The following ONECUT1 variants were observed in gnomAD, a reference collection of about 807,000 sequenced individuals.
The protein encoded by ONECUT1 is one cut homeobox 1, also known as hepatocyte nuclear factor 6.
Under a neutral mutation model 25.6 loss-of-function variants are expected in ONECUT1, and 12 were observed. The observed-to-expected ratio is 0.47, with a 90% CI of 0.30 to 0.76. ONECUT1 has a LOEUF of 0.76. Among genes scored for constraint, ONECUT1 ranks in the 30% least tolerant of loss-of-function variants. The probability of loss-of-function intolerance (pLI) is 0.07; values close to 1 mark genes in which losing one functional copy is unlikely to be tolerated. For synonymous variants in ONECUT1, 285 were observed against 270.2 expected (o/e 1.05, Z -0.54); for missense variants, 620 against 651.2 (o/e 0.95, Z 0.52).
chr15:52,766,902 G>A (rs993940807), intron 1 of ONECUT1, among the ~76,000 whole-genome samples: 2 of 152,148 alleles, frequency 1.3e-5, no homozygotes, highest in African/African-American at 2.4e-5. Context: ...AATAAAACAT[G>A]GTGATGGACC....
chr15:52,780,507 G>T, intron 1 of ONECUT1: 2 of 1,334,114 alleles, frequency 1.5e-6, no homozygotes, highest in Non-Finnish European at 2.1e-6. Flanking sequence ...TCTTTGTCTA[G>T]CATAAGTAAT....
At chr15:52,783,485 G>C (rs568459763) in intron 1 of ONECUT1, among the ~76,000 whole-genome samples, 1 of 152,206 alleles carries the variant, frequency 6.6e-6, no homozygotes, top group Non-Finnish European at 1.5e-5. Context: ...GGGACCAGGC[G>C]TCAGGGCGGT....
chr15:52,764,373 C>G (rs983874254), intron 1 of ONECUT1, among the ~76,000 whole-genome samples: 1 of 152,166 alleles, frequency 6.6e-6, no homozygotes, highest in Non-Finnish European at 1.5e-5. Context: ...CAAACCAGAG[C>G]AAATATATTG....
chr15:52,768,066 G>C (rs2083745436), intron 1 of ONECUT1, among the ~76,000 whole-genome samples: 1 of 152,120 alleles, frequency 6.6e-6, no homozygotes, highest in African/African-American at 2.4e-5. Context: ...GATAAAGAGG[G>C]GATGCTTAAT....
At chr15:52,774,389 C>T (rs1236603477) in intron 1 of ONECUT1, among the ~76,000 whole-genome samples, 1 of 152,154 alleles carries the variant, frequency 6.6e-6, no homozygotes, top group Non-Finnish European at 1.5e-5. Context: ...CAACCTCCGC[C>T]TCCAGGGTTC....
At chr15:52,785,890 T>A (rs1175682298) in intron 1 of ONECUT1, 1 of 152,232 alleles carries the variant, frequency 6.6e-6, no homozygotes, top group Non-Finnish European at 1.5e-5. Flanking sequence ...CAGCGCCACG[T>A]GCAAGAGGGT....
At chr15:52,775,037 A>T (rs1240189831) in intron 1 of ONECUT1, among the ~76,000 whole-genome samples, 2 of 152,082 alleles carry the variant, frequency 1.3e-5, no homozygotes, top group Non-Finnish European at 2.9e-5. Context: ...TGAAAATACA[A>T]ATTGTAGCCT....
At chr15:52,777,511 C>A (rs963996965) in intron 1 of ONECUT1, among the ~76,000 whole-genome samples, 21 of 152,240 alleles carry the variant, frequency 1.4e-4, no homozygotes, top group Non-Finnish European at 4.4e-5. Flanking sequence ...AAGAAACAAG[C>A]TTTTAGCTTC....
At chr15:52,776,209 A>G (rs531219307) in intron 1 of ONECUT1, among the ~76,000 whole-genome samples, 4 of 152,360 alleles carry the variant, frequency 2.6e-5, no homozygotes, top group African/African-American at 7.2e-5. Context: ...AAATCTGTAC[A>G]GAAGCCAGAG....
intron 1 of ONECUT1, among the ~76,000 whole-genome samples, chr15:52,765,253 A>G (rs1355997117): frequency 2.0e-5 from 3 of 152,134 alleles, no homozygotes; most frequent in Non-Finnish European, 4.4e-5. Flanking sequence ...TCTAAAATTG[A>G]CTGTGGTTGC....
intron 1 of ONECUT1, among the ~76,000 whole-genome samples, chr15:52,783,737 C>T (rs1190847269): frequency 6.6e-6 from 1 of 152,258 alleles, no homozygotes; most frequent in African/African-American, 2.4e-5. Flanking sequence ...GTCACCTTCT[C>T]TACGCTGACC....
intron 1 of ONECUT1, among the ~76,000 whole-genome samples, chr15:52,781,864 A>G (rs977733504): frequency 8.5e-5 from 13 of 152,222 alleles, no homozygotes; most frequent in African/African-American, 2.7e-4. Flanking sequence ...TGAGTCTTCA[A>G]TGAGAACATC....
Position 52,757,485 on chromosome 15 carries a change from G to T in ONECUT1, c.*70C>A. 1 of 1,481,168 alleles carries T rather than the reference G, an allele frequency of 6.8e-7. No individual in the cohort carries two copies. Among genetic ancestry groups the T allele is most frequent in the Non-Finnish European group, 9.1e-7 (1 of 1,097,828 alleles). The allele number at this position is 1,481,168 out of a possible 1,614,324, so 91.8% of individuals were successfully genotyped here. On this transcript the variant is annotated 3_prime_UTR_variant, in exon 2 of 2. Transcript: ENST00000305901. ...CTAAGTATAAACCTGCTATCTTGAGGTCCTGGTCTTTTAAAAATTTTTTTT... is the reference window on the plus strand; with the variant it reads ...CTAAGTATAAACCTGCTATCTTGAGTTCCTGGTCTTTTAAAAATTTTTTTT...
In ONECUT1 at chr15:52,789,919, C is replaced by T. The variant is rs1270267742; in HGVS notation, c.-35G>A. ...GGCGAGCAGGCGGCGGACACAACAT[C>T]GATGTGGCCAGGCAGAGGCGGCGAG... On this transcript the variant is annotated 5_prime_UTR_variant, in exon 1 of 2. Transcript: ENST00000305901. The surrounding 1 kb of genome is among the most constrained non-coding windows in gnomAD (Gnocchi z 4.1). 2.0e-6 allele frequency: 3 copies of T among 1,495,452 alleles called. No homozygotes were observed. Among genetic ancestry groups the T allele is most frequent in the Admixed American group, 2.3e-5 (1 of 42,720 alleles). The allele number at this position is 1,495,452 out of a possible 1,614,324, so 92.6% of individuals were successfully genotyped here. A position where few individuals can be genotyped will look rare whatever the true frequency, so the allele number is the denominator to read the frequency against.
chr15:52,761,408 C>CAG (rs1566988646), intron 1 of ONECUT1, among the ~76,000 whole-genome samples: 1 of 152,194 alleles, frequency 6.6e-6, no homozygotes, highest in Admixed American at 6.5e-5. Context: ...CAGTTTCTCA[C>CAG]GCCTGTAATC....
In ONECUT1 at chr15:52,757,474, G is replaced by T; in HGVS notation, c.*81C>A. ...TTCAAATATTTCTAAGTATAAACCTGCTATCTTGAGGTCCTGGTCTTTTAA... is the reference window on the plus strand; with the variant it reads ...TTCAAATATTTCTAAGTATAAACCTTCTATCTTGAGGTCCTGGTCTTTTAA... On this transcript the variant is annotated 3_prime_UTR_variant, in exon 2 of 2. Transcript: ENST00000305901. 2 of 1,392,732 alleles carry T rather than the reference G, an allele frequency of 1.4e-6. No individual in the cohort carries two copies. Among genetic ancestry groups the T allele is most frequent in the Non-Finnish European group, 2.0e-6 (2 of 1,020,990 alleles). The allele number at this position is 1,392,732 out of a possible 1,614,324, so 86.3% of individuals were successfully genotyped here.
chr15:52,765,324 A>T (rs1205455820), intron 1 of ONECUT1, among the ~76,000 whole-genome samples: 1 of 152,218 alleles, frequency 6.6e-6, no homozygotes, highest in Non-Finnish European at 1.5e-5. Flanking sequence ...TGTGAATTAC[A>T]TCTCTATCAA....
chr15:52,774,681 C>G (rs1273671639), intron 1 of ONECUT1, among the ~76,000 whole-genome samples: 1 of 152,074 alleles, frequency 6.6e-6, no homozygotes, highest in Non-Finnish European at 1.5e-5. Flanking sequence ...TGGTAAGTAT[C>G]AAACAAATGT....
intron 1 of ONECUT1, among the ~76,000 whole-genome samples, chr15:52,768,436 A>T (rs944563217): frequency 1.3e-5 from 2 of 152,218 alleles, no homozygotes; most frequent in Non-Finnish European, 2.9e-5. Flanking sequence ...TTATTCCATC[A>T]GTATCCCTCA....
Sources: allele counts gnomAD v4.1 joint callset (sites outside exome capture counted in the v4.1 genomes callset), GRCh38; gene constraint gnomAD v4.1.1; non-coding constraint Gnocchi (gnomAD v3.1); transcripts MANE v1.5; gene names NCBI Gene and HGNC (gene_info 2026-07-23, HGNC 2026-07-21).